LRCH4: variants seen among roughly 807,000 people sequenced by gnomAD.
LRCH4 encodes leucine rich repeats and calponin homology domain containing 4.
LRCH4 carries 56 observed loss-of-function variants against 81.2 expected under a neutral mutation model. The observed-to-expected ratio is 0.69, with a 90% CI of 0.56 to 0.86. The LOEUF (loss-of-function observed/expected upper bound fraction) is 0.86. Among genes scored for constraint, LRCH4 ranks in the 40% least tolerant of loss-of-function variants. The probability of loss-of-function intolerance (pLI) is 0.00; values close to 1 mark genes in which losing one functional copy is unlikely to be tolerated. For missense variants in LRCH4, 895 were observed against 922.8 expected, an observed-to-expected ratio of 0.97 and a Z score of 0.39; for synonymous variants, 442 against 409.7, an observed-to-expected ratio of 1.08 and a Z score of -0.95.
At chr7:100,585,473 G>A (rs1264083443) in intron 1 of LRCH4, among the ~76,000 whole-genome samples, 2 of 151,142 alleles carry the variant, frequency 1.3e-5, no homozygotes, top group Non-Finnish European at 3.0e-5. Flanking sequence ...TCGGTGGGAC[G>A]GGGGTTAAGA....
intron 14 of LRCH4, 177 bp downstream of exon 14, chr7:100,576,517 G>A (rs972298729): frequency 1.5e-6 from 1 of 677,122 alleles, no homozygotes; most frequent in Non-Finnish European, 2.5e-6. Context: ...TCCCACCTGG[G>A]CCTCCTAAAG....
Position 100,578,016 on chromosome 7 carries a change from G to T in LRCH4, c.949-104C>A. The T allele has an allele frequency of 7.7e-7, 1 of 1,295,534 alleles. No individual in the cohort carries two copies. The highest frequency in any genetic ancestry group is 1.1e-6 in the Non-Finnish European group (1 of 908,998). The allele number at this position is 1,295,534 out of a possible 1,614,324, so 80.3% of individuals were successfully genotyped here. ...TAAGCTCAGGGTCTCTGCTGAGCCA[G>T]CCCTTCCCTGGGATGCTGGGCAGAG... is the stretch of plus-strand genomic sequence containing the variant. On this transcript the variant is annotated intron_variant, in intron 7 of 17. Coordinates refer to ENST00000310300, the MANE Select transcript of LRCH4 (RefSeq NM_002319.5). The surrounding 1 kb of genome is among the most constrained non-coding windows in gnomAD (Gnocchi z 5.7).
Position 100,577,520 on chromosome 7 carries a change from G to T in LRCH4, c.1155C>A (p.Asp385Glu). 6.2e-7 allele frequency: 1 copy of T among 1,610,036 alleles called. No homozygotes were observed. The change falls in exon 10 of 18, where the codon GAC (aspartate) becomes GAA (glutamate). Residue 385 changes from aspartate (D) to glutamate (E), a missense_variant. By Grantham distance (45) the Asp-to-Glu change is conservative. Coordinates refer to ENST00000310300, the MANE Select transcript of LRCH4 (RefSeq NM_002319.5). The surrounding 1 kb of genome is among the most constrained non-coding windows in gnomAD (Gnocchi z 6.7). ...RPPELSPGAG[D>E]RERAPSSRRE... Reference sequence around the variant, plus strand: ...ACCTGCTGCTTGGTGCCCTCTCCCTGTCCCCTGCCCCAGGGCTTAATTCGG... The same window carrying T: ...ACCTGCTGCTTGGTGCCCTCTCCCTTTCCCCTGCCCCAGGGCTTAATTCGG...
Position 100,583,761 on chromosome 7 carries a change from G to A in LRCH4, c.221-1302C>T, listed in dbSNP as rs1333186652. ...GATGACCGTTCTGGAGAGGGTGGGGGGATGGCATTTGCCCCTCCCAGCCTC... is the reference window on the plus strand; with the variant it reads ...GATGACCGTTCTGGAGAGGGTGGGGAGATGGCATTTGCCCCTCCCAGCCTC... On this transcript the variant is annotated intron_variant, in intron 1 of 17. Transcript: ENST00000310300. This position sits in a 1 kb window ranked among gnomAD's most constrained non-coding sequence, Gnocchi z 4.3. 3.3e-5 allele frequency among the ~76,000 whole-genome samples: 5 copies of A among 152,146 alleles called. No individual in the cohort carries two copies. The highest frequency in any genetic ancestry group is 1.2e-4 in the African/African-American group (5 of 41,420).
rs755717347 is a variant in LRCH4, at chr7:100,575,668, C to T, written c.1854+37G>A. On this transcript the variant is annotated intron_variant, in intron 17 of 17. Coordinates refer to ENST00000310300, the MANE Select transcript of LRCH4 (RefSeq NM_002319.5). This position sits in a 1 kb window ranked among gnomAD's most constrained non-coding sequence, Gnocchi z 5.3. ...TCCATGCCACATGCTCGGCTGAGTC[C>T]GGCATGCCACCACTCTTTAGAAAGC... The T allele has an allele frequency of 1.8e-5, 29 of 1,608,682 alleles. No individual in the cohort carries two copies. The highest frequency in any genetic ancestry group is 2.2e-5 in the Non-Finnish European group (26 of 1,175,006).
chr7:100,577,758 T>C lies in LRCH4; in HGVS notation c.1040-18A>G. The C allele has an allele frequency of 1.9e-6, 3 of 1,613,980 alleles. No individual in the cohort carries two copies. Among genetic ancestry groups the C allele is most frequent in the Non-Finnish European group, 2.5e-6 (3 of 1,179,898 alleles). ...TCCGTCCGCTGGGGAGGCCAGCATG[T>C]CAGCAAGTGAGCGGGGACCCAGGCC... On this transcript the variant is annotated intron_variant, in intron 8 of 17. Transcript: ENST00000310300. The surrounding 1 kb of genome is among the most constrained non-coding windows in gnomAD (Gnocchi z 6.7).
At position 100,585,915 on chromosome 7, in the gene LRCH4, G is replaced by A; in HGVS notation, c.186C>T (p.Ala62=). The change falls in exon 1 of 18, where the codon GCC becomes GCT. Residue 62 remains alanine, a synonymous_variant. Transcript: ENST00000310300. ...RRLKHFPRGA[A]RSYDLSDITQ... ...TGATGTCTGACAGGTCGTAGCTACG[G>A]GCCGCGCCCCGGGGGAAGTGCTTCA... 6.2e-7 allele frequency: 1 copy of A among 1,611,598 alleles called. No homozygotes were observed. Among genetic ancestry groups the A allele is most frequent in the African/African-American group, 1.3e-5 (1 of 74,714 alleles).
Position 100,576,023 on chromosome 7 carries a change from C to A in LRCH4, c.1639-15G>T. 6.3e-7 allele frequency: 1 copy of A among 1,596,664 alleles called. No individual in the cohort carries two copies. Among genetic ancestry groups the A allele is most frequent in the Non-Finnish European group, 8.5e-7 (1 of 1,175,786 alleles). On this transcript the variant is annotated splice_polypyrimidine_tract_variant and intron_variant, in intron 15 of 17. Transcript: ENST00000310300. Reference sequence around the variant, plus strand: ...GACTCAAGGACCTGGCAGTGTAGACCACATAGAGCAGGGGTCAGGGAAGGA... The same window carrying A: ...GACTCAAGGACCTGGCAGTGTAGACAACATAGAGCAGGGGTCAGGGAAGGA...
chr7:100,583,441 C>T lies in LRCH4; in HGVS notation c.221-982G>A, dbSNP rs1241264034. On this transcript the variant is annotated intron_variant, in intron 1 of 17. Coordinates refer to ENST00000310300, the MANE Select transcript of LRCH4 (RefSeq NM_002319.5). This position sits in a 1 kb window ranked among gnomAD's most constrained non-coding sequence, Gnocchi z 4.3. ...TTTCTGTTTCCTCGGCCCAGCCTGTCCTGGGAGGGGCCCAGGGCCCGCGAG... is the reference window on the plus strand; with the variant it reads ...TTTCTGTTTCCTCGGCCCAGCCTGTTCTGGGAGGGGCCCAGGGCCCGCGAG... 2.0e-5 allele frequency among the ~76,000 whole-genome samples: 3 copies of T among 152,158 alleles called. No individual in the cohort carries two copies. The highest frequency in any genetic ancestry group is 6.5e-5 in the Admixed American group (1 of 15,280).
chr7:100,575,977 G>A lies in LRCH4; in HGVS notation c.1670C>T (p.Pro557Leu), dbSNP rs1250869585. The A allele has an allele frequency of 6.2e-7, 1 of 1,607,990 alleles. No individual in the cohort carries two copies. ...GGCCAGAGCCTCGGCCAGGTCCTCA[G>A]GCAGGGGCCGCTGCAGCCGGGACTC... ...VLESRLQRPL[P>L]EDLAEALASG... The change falls in exon 16 of 18, where the codon CCT (proline) becomes CTT (leucine). Residue 557 changes from proline (P) to leucine (L), a missense_variant. By Grantham distance (98) the Pro-to-Leu change is moderately conservative (BLOSUM62 -3). Around this residue, in one of 3 missense-constraint regions of LRCH4, gnomAD observed 529 missense variants for 504.9 expected, o/e 1.05. Transcript: ENST00000310300. This position sits in a 1 kb window ranked among gnomAD's most constrained non-coding sequence, Gnocchi z 5.3.
rs756370433 is a variant in LRCH4, at chr7:100,577,353, C to G, written c.1215G>C (p.Pro405=). ...GCTCCTGCCACAGCTGCAAGGTGTC[C>G]GGGCGCCGCCGCTCCTCCCCTGCCG... ...EEPAGEERRR[P]DTLQLWQERE... Residue 405 remains proline, a synonymous_variant, in exon 11 of 18, where the codon CCG becomes CCC. Transcript: ENST00000310300. This position sits in a 1 kb window ranked among gnomAD's most constrained non-coding sequence, Gnocchi z 6.7. 1 of 1,599,226 alleles carries G rather than the reference C, an allele frequency of 6.3e-7. No homozygotes were observed. The highest frequency in any genetic ancestry group is 2.2e-5 in the East Asian group (1 of 44,842).
chr7:100,581,730 G>C (rs1801564537), intron 4 of LRCH4, 47 bp downstream of exon 4: 6 of 1,557,452 alleles, frequency 3.9e-6, no homozygotes, highest in Admixed American at 1.7e-5. Context: ...TGAGCCAACT[G>C]GGACGCACAT....
chr7:100,575,373 TC>T lies in LRCH4; in HGVS notation c.1855-70del. ...TCAGCAGCAGCAGCAGGACAGTCCC[TC>T]CCACCCCTGCCCTCACGTGCTGGGG... On this transcript the variant is annotated intron_variant, in intron 17 of 17. Transcript: ENST00000310300. The surrounding 1 kb of genome is among the most constrained non-coding windows in gnomAD (Gnocchi z 5.3). The T allele has an allele frequency of 7.2e-7, 1 of 1,389,172 alleles. No individual in the cohort carries two copies. Among genetic ancestry groups the T allele is most frequent in the Non-Finnish European group, 9.8e-7 (1 of 1,022,218 alleles). 86.1% of individuals were successfully genotyped at this position (1,389,172 alleles called of 1,614,324 possible). A position where few individuals can be genotyped will look rare whatever the true frequency, so the allele number is the denominator to read the frequency against.
Position 100,578,095 on chromosome 7 carries a change from C to T in LRCH4, c.948+64G>A, listed in dbSNP as rs2131174776. The stretch of plus-strand genomic sequence containing the variant: ...CCTGGCACCCTGCAATTTGGAGGTC[C>T]CCAGTTCAGAGGTGCTCTCCCAGGG... On this transcript the variant is annotated intron_variant, in intron 7 of 17. Transcript: ENST00000310300. This position sits in a 1 kb window ranked among gnomAD's most constrained non-coding sequence, Gnocchi z 5.7. The T allele has an allele frequency of 2.6e-6, 4 of 1,520,830 alleles. No homozygotes were observed. Among genetic ancestry groups the T allele is most frequent in the East Asian group, 2.3e-5 (1 of 44,178 alleles). The allele number at this position is 1,520,830 out of a possible 1,614,324, so 94.2% of individuals were successfully genotyped here.
In LRCH4 at chr7:100,576,292, A is replaced by G. The variant is rs758487270; in HGVS notation, c.1584T>C (p.Pro528=). The change falls in exon 15 of 18, where the codon CCT becomes CCC. Residue 528 remains proline (P), a synonymous_variant. Transcript: ENST00000310300. ...GPSSPDSVLR[P]RRYPQVPDEK... ...CATCTGGAACCTGGGGGTACCGCCG[A>G]GGTCTCAGGACAGAGTCTGGTGAGG... The G allele has an allele frequency of 1.1e-5, 18 of 1,613,962 alleles. No individual in the cohort carries two copies. Among genetic ancestry groups the G allele is most frequent in the Admixed American group, 6.7e-5 (4 of 60,002 alleles).
chr7:100,577,249 GC>G lies in LRCH4; in HGVS notation c.1295+23del. ...TTCCAGGGCTCAGTGTCCAGCAACA[GC>G]CCCGGGCGGCCCTGGGTCCCACCTA... On this transcript the variant is annotated intron_variant, in intron 11 of 17. Coordinates refer to ENST00000310300, the MANE Select transcript of LRCH4 (RefSeq NM_002319.5). The surrounding 1 kb of genome is among the most constrained non-coding windows in gnomAD (Gnocchi z 6.7). 6.2e-7 allele frequency: 1 copy of G among 1,603,680 alleles called. No individual in the cohort carries two copies.
chr7:100,578,868 C>T lies in LRCH4; in HGVS notation c.599-82G>A. On this transcript the variant is annotated intron_variant, in intron 4 of 17. Coordinates refer to ENST00000310300, the MANE Select transcript of LRCH4 (RefSeq NM_002319.5). The surrounding 1 kb of genome is among the most constrained non-coding windows in gnomAD (Gnocchi z 5.7). ...CTCACTCCCTCACCCTTGGCTCCAG[C>T]TGGCCAGTCACCCTGGGCCCAGCAC... The T allele has an allele frequency of 1.3e-6, 2 of 1,502,260 alleles. No homozygotes were observed. Among genetic ancestry groups the T allele is most frequent in the African/African-American group, 1.4e-5 (1 of 72,618 alleles). 93.1% of individuals were successfully genotyped at this position (1,502,260 alleles called of 1,614,324 possible).
chr7:100,577,778 CA>C lies in LRCH4; in HGVS notation c.1040-39del. On this transcript the variant is annotated intron_variant, in intron 8 of 17. Transcript: ENST00000310300. The surrounding 1 kb of genome is among the most constrained non-coding windows in gnomAD (Gnocchi z 6.7). ...GCATGTCAGCAAGTGAGCGGGGACC[CA>C]GGCCCTGGTCCAGCCCAGCTCCCGG... 1 of 1,613,478 alleles carries C rather than the reference CA, an allele frequency of 6.2e-7. No homozygotes were observed. Among genetic ancestry groups the C allele is most frequent in the Non-Finnish European group, 8.5e-7 (1 of 1,179,406 alleles).
In LRCH4 at chr7:100,575,524, T is replaced by TGTAGGACAG; in HGVS notation, c.1854+172_1854+180dup. 1.1e-6 allele frequency: 1 copy of TGTAGGACAG among 882,496 alleles called. No individual in the cohort carries two copies. Among genetic ancestry groups the TGTAGGACAG allele is most frequent in the South Asian group, 1.3e-5 (1 of 75,514 alleles). The allele number at this position is 882,496 out of a possible 1,614,324, so 54.7% of individuals were successfully genotyped here. On this transcript the variant is annotated intron_variant, in intron 17 of 17. Transcript: ENST00000310300. This position sits in a 1 kb window ranked among gnomAD's most constrained non-coding sequence, Gnocchi z 5.3. ...GATGGGGCCTGCAGGGCAGGGGATG[T>TGTAGGACAG]GTAGGACAGGTGACATGCAGGGCAG...
Sources: gnomAD v4.1 joint callset for allele counts (sites outside exome capture counted in the v4.1 genomes callset) on GRCh38, gnomAD v4.1.1 for gene constraint, gnomAD v4.1.1 regional missense constraint, Gnocchi (gnomAD v3.1) non-coding constraint, MANE v1.5 for transcripts, NCBI Gene and HGNC (gene_info 2026-07-23, HGNC 2026-07-21) for gene names.